PTPRD: variants seen among roughly 807,000 people sequenced by gnomAD.
PTPRD encodes protein tyrosine phosphatase receptor type D.
A neutral mutation model predicts 214.5 loss-of-function variants in PTPRD; 34 were observed. That is an observed-to-expected ratio of 0.16 (90% confidence interval 0.12 to 0.21). The LOEUF (loss-of-function observed/expected upper bound fraction) is 0.21. PTPRD is among the 10% of genes least tolerant of loss of function. The pLI is 1.00. For synonymous variants in PTPRD, 1,128 were observed against 845.7 expected, an observed-to-expected ratio of 1.33 and a Z score of -5.79; for missense variants, 2,545 against 2,398.7, an observed-to-expected ratio of 1.06 and a Z score of -1.27.
At chr9:8,745,195 A>G (rs1289160771) in intron 11 of PTPRD, among the ~76,000 whole-genome samples, 1 of 152,242 alleles carries the variant, frequency 6.6e-6, no homozygotes, top group African/African-American at 2.4e-5. Context: ...ATGAAGTACA[A>G]GGACATAATG....
intron 8 of PTPRD, among the ~76,000 whole-genome samples, chr9:9,531,645 TTTTG>T (rs1156337971): frequency 1.3e-5 from 2 of 152,270 alleles, no homozygotes; most frequent in Non-Finnish European, 2.9e-5. Flanking sequence ...TTATGTTATA[TTTTG>T]TTTATCAATT....
At chr9:8,936,350 G>T (rs1451366850) in intron 11 of PTPRD, among the ~76,000 whole-genome samples, 1 of 145,522 alleles carries the variant, frequency 6.9e-6, no homozygotes, top group African/African-American at 2.5e-5. Context: ...CTTGAGCCTG[G>T]GAGGCAGAGG....
rs368220828 is a variant in PTPRD at position 9,312,519 on chromosome 9, G to A, written c.-203+84930C>T. The stretch of plus-strand genomic sequence containing the variant: ...AGTTTTCAGCTTTCCCCATGTCTGC[G>A]TGGGTTTTCTCTGGATACTCTGGTT... On this transcript the variant is annotated intron_variant, in intron 9 of 45. Coordinates refer to ENST00000381196, the MANE Select transcript of PTPRD (RefSeq NM_002839.4). 3.3e-5 allele frequency among the ~76,000 whole-genome samples: 5 copies of A among 152,270 alleles called. No homozygotes were observed. The East Asian group carries it at 7.7e-4, about 24-fold the overall frequency.
intron 2 of PTPRD, among the ~76,000 whole-genome samples, chr9:10,534,078 T>G: frequency 6.6e-6 from 1 of 151,834 alleles, no homozygotes; most frequent in East Asian, 1.9e-4. Context: ...TTTTAAATTT[T>G]TAAGAAGAGT....
intron 3 of PTPRD, among the ~76,000 whole-genome samples, chr9:10,058,376 C>T (rs2097697881): frequency 6.6e-6 from 1 of 151,992 alleles, no homozygotes; most frequent in Non-Finnish European, 1.5e-5. Flanking sequence ...TCTTGGTAAA[C>T]AACTCAAGAA....
intron 35 of PTPRD, among the ~76,000 whole-genome samples, chr9:8,421,436 C>T (rs747680887): frequency 6.6e-6 from 1 of 151,050 alleles, no homozygotes; most frequent in Non-Finnish European, 1.5e-5. Flanking sequence ...GAAAATTTTA[C>T]CATGCTAGTC....
At chr9:8,490,771 C>T (rs767020695) in intron 27 of PTPRD, among the ~76,000 whole-genome samples, 4 of 152,286 alleles carry the variant, frequency 2.6e-5, no homozygotes, top group Non-Finnish European at 4.4e-5. Context: ...ATGATCAGTA[C>T]TCGTTTCCAA....
intron 3 of PTPRD, among the ~76,000 whole-genome samples, chr9:10,239,905 A>T (rs2099641677): frequency 6.6e-6 from 1 of 151,736 alleles, no homozygotes; most frequent in Admixed American, 6.6e-5. Flanking sequence ...CTTTTTCCCC[A>T]AAGCCAGCTG....
In PTPRD at chr9:8,528,635, A is replaced by G. The variant is rs1326592841; in HGVS notation, c.497T>C (p.Val166Ala). The G allele has an allele frequency of 6.2e-7, 1 of 1,613,606 alleles. No homozygotes were observed. Among genetic ancestry groups the G allele is most frequent in the African/African-American group, 1.3e-5 (1 of 74,888 alleles). Residue 166 changes from valine to alanine, a missense_variant, in exon 15 of 46, where the codon GTG (valine) becomes GCG (alanine). Coordinates refer to ENST00000381196, the MANE Select transcript of PTPRD (RefSeq NM_002839.4). ...ACGACCATTGTTGTTGCTTGTGTCCACAGGTAAGAAATCTTTAAACCAAGT... is the reference window on the plus strand; with the variant it reads ...ACGACCATTGTTGTTGCTTGTGTCCGCAGGTAAGAAATCTTTAAACCAAGT... ...EITWFKDFLPVDTSNNNGRIK... is the reference protein window; with the variant it reads ...EITWFKDFLPADTSNNNGRIK...
Position 8,326,456 on chromosome 9 carries a change from G to T in PTPRD, c.5534+5126C>A, listed in dbSNP as rs181646961. ...TGGTGGATAAGCTTTTTGATGTGCTGCTGGATTCGGTTTGCCAGTATTTTA... is the reference window on the plus strand; with the variant it reads ...TGGTGGATAAGCTTTTTGATGTGCTTCTGGATTCGGTTTGCCAGTATTTTA... On this transcript the variant is annotated intron_variant, in intron 44 of 45. Transcript: ENST00000381196. 9.2e-5 allele frequency among the ~76,000 whole-genome samples: 14 copies of T among 151,690 alleles called. No individual in the cohort carries two copies. The East Asian group carries it at 2.7e-3, about 29-fold the overall frequency.
At chr9:10,504,549 A>T (rs750227474) in intron 2 of PTPRD, among the ~76,000 whole-genome samples, 3 of 152,200 alleles carry the variant, frequency 2.0e-5, no homozygotes, top group Non-Finnish European at 2.9e-5. Flanking sequence ...AGCCATATCA[A>T]TTCAGAGTGT....
At chr9:10,407,182 G>A (rs892728429) in intron 2 of PTPRD, among the ~76,000 whole-genome samples, 10 of 151,420 alleles carry the variant, frequency 6.6e-5, no homozygotes, top group African/African-American at 2.2e-4. Flanking sequence ...GAGTCTGAAG[G>A]TTTAATCTAT....
At chr9:8,651,599 C>G (rs962151108) in intron 12 of PTPRD, among the ~76,000 whole-genome samples, 3 of 152,168 alleles carry the variant, frequency 2.0e-5, no homozygotes, top group African/African-American at 7.2e-5. Context: ...TAAAATAACT[C>G]TATCAACATT....
intron 9 of PTPRD, among the ~76,000 whole-genome samples, chr9:9,196,093 C>G (rs2099938438): frequency 6.6e-6 from 1 of 152,078 alleles, no homozygotes. Flanking sequence ...TATGTGAGGA[C>G]TTAGCATACC....
rs138518765 is a variant in PTPRD at position 9,034,596 on chromosome 9, C to A, written c.-142-15861G>T. 9.7e-4 allele frequency among the ~76,000 whole-genome samples: 147 copies of A among 152,216 alleles called. 1 individual carries two copies. The highest frequency in any genetic ancestry group is 2.9e-3 in the African/African-American group (122 of 41,530). On this transcript the variant is annotated intron_variant, in intron 10 of 45. Coordinates refer to ENST00000381196, the MANE Select transcript of PTPRD (RefSeq NM_002839.4). Reference sequence around the variant, plus strand: ...TAATTCTATAAGATAAAGAGCTCAGCCAGTGGTGACGGCCTTTTCTTCCAA... The same window carrying A: ...TAATTCTATAAGATAAAGAGCTCAGACAGTGGTGACGGCCTTTTCTTCCAA...
At chr9:8,483,791 AAAACAAAAAC>A (rs1430099813) in intron 30 of PTPRD, among the ~76,000 whole-genome samples, 1 of 139,770 alleles carries the variant, frequency 7.2e-6, no homozygotes, top group African/African-American at 2.7e-5. Flanking sequence ...AACAAAAACA[AAAACAAAAAC>A]AAAAACAAAC....
chr9:9,308,879 C>A (rs1957979570), intron 9 of PTPRD, among the ~76,000 whole-genome samples: 1 of 151,946 alleles, frequency 6.6e-6, no homozygotes, highest in Admixed American at 6.6e-5. Context: ...ATTAGAGACC[C>A]AAAATATCAT....
chr9:9,758,148 C>CAAAAAAAAAAAA lies in PTPRD; in HGVS notation c.-326+8650_-326+8661dup, dbSNP rs3050038. On this transcript the variant is annotated intron_variant, in intron 6 of 45. Transcript: ENST00000381196. Reference sequence around the variant, plus strand: ...GTTCACATCTCAAGAGTAAAAATGGCAAAAAAAAAAAAAAATTGTATTCTC... The same window carrying CAAAAAAAAAAAA: ...GTTCACATCTCAAGAGTAAAAATGGCAAAAAAAAAAAAAAAAAAAAAAAAAAATTGTATTCTC... 2.8e-4 allele frequency among the ~76,000 whole-genome samples: 32 copies of CAAAAAAAAAAAA among 114,918 alleles called. No homozygotes were observed. In the East Asian group the frequency reaches 3.0e-3, roughly 11 times the overall value. 75.4% of individuals were successfully genotyped at this position (114,918 alleles called of 152,430 possible).
At chr9:8,330,118 G>A (rs1838475873) in intron 44 of PTPRD, among the ~76,000 whole-genome samples, 1 of 152,084 alleles carries the variant, frequency 6.6e-6, no homozygotes, top group Non-Finnish European at 1.5e-5. Flanking sequence ...GCTTCCCTTG[G>A]CTAGGAAAGG....
Sources: gnomAD v4.1 joint callset for allele counts (sites outside exome capture counted in the v4.1 genomes callset) on GRCh38, gnomAD v4.1.1 for gene constraint, MANE v1.5 for transcripts, NCBI Gene and HGNC (gene_info 2026-07-23, HGNC 2026-07-21) for gene names.